The following PTGES3L variants were observed in gnomAD, a reference collection of about 807,000 sequenced individuals.
PTGES3L encodes prostaglandin E synthase 3 like.
PTGES3L carries 17 observed loss-of-function variants against 25.0 expected under a neutral mutation model. The ratio of observed to expected loss-of-function variants is 0.68; its 90% confidence interval spans 0.47 to 1.02. The LOEUF is 1.02. PTGES3L is among the 50% of genes least tolerant of loss of function. PTGES3L has a pLI of 0.00. For synonymous variants in PTGES3L, 59 were observed against 65.7 expected, an observed-to-expected ratio of 0.90 and a Z score of 0.50; for missense variants, 202 against 197.5, an observed-to-expected ratio of 1.02 and a Z score of -0.14.
rs56818030 is a variant in PTGES3L at position 42,971,284 on chromosome 17, C to CCACACACA, written c.378+315_378+322dup. On this transcript the variant is annotated intron_variant, in intron 5 of 6. Coordinates refer to ENST00000591916, the MANE Select transcript of PTGES3L (RefSeq NM_001261430.2). ...GCACTCCAGCCTAGGCGACAGAAAA[C>CCACACACA]CACACACACACACACACACACAGAA... 8.4e-3 allele frequency among the ~76,000 whole-genome samples: 1,253 copies of CCACACACA among 149,594 alleles called. 15 individuals are homozygous for CCACACACA. The highest frequency in any genetic ancestry group is 0.024 in the African/African-American group (961 of 40,690).
rs1490786473 is a variant in PTGES3L at position 42,970,676 on chromosome 17, G to GCGCACA, written c.379-335_379-334insTGTGCG. Reference sequence around the variant, plus strand: ...CATGAAGTTGTCTGGCTTAACACGCGCACACACACACACACACACACACAC... The same window carrying GCGCACA: ...CATGAAGTTGTCTGGCTTAACACGCGCGCACACACACACACACACACACACACACAC... On this transcript the variant is annotated intron_variant, in intron 5 of 6. Transcript: ENST00000591916. 3.0e-3 allele frequency among the ~76,000 whole-genome samples: 434 copies of GCGCACA among 144,160 alleles called. 2 individuals carry two copies. The highest frequency in any genetic ancestry group is 7.0e-3 in the Middle Eastern group (2 of 286). 94.6% of individuals were successfully genotyped at this position (144,160 alleles called of 152,430 possible). A position where few individuals can be genotyped will look rare whatever the true frequency, so the allele number is the denominator to read the frequency against.
In PTGES3L at chr17:42,968,175, C is replaced by A. The variant is rs2049767545; in HGVS notation, c.*973G>T. The A allele has an allele frequency of 6.6e-6, 1 of 152,036 alleles. No individual in the cohort carries two copies. Among genetic ancestry groups the A allele is most frequent in the South Asian group, 2.1e-4 (1 of 4,828 alleles). 9.4% of individuals were successfully genotyped at this position (152,036 alleles called of 1,614,324 possible). ...TTAGGCACTCAAAAAAGTTTATGGA[C>A]AAATAGAATAGCTGTTGGACAAATA... is the stretch of plus-strand genomic sequence containing the variant. On this transcript the variant is annotated 3_prime_UTR_variant, in exon 7 of 7. Coordinates refer to ENST00000591916, the MANE Select transcript of PTGES3L (RefSeq NM_001261430.2).
intron 4 of PTGES3L, among the ~76,000 whole-genome samples, chr17:42,975,135 CAAAAAA>C (rs11398866): frequency 1.5e-4 from 15 of 97,050 alleles, no homozygotes; most frequent in African/African-American, 5.4e-4. Context: ...CATCCTGTCT[CAAAAAA>C]AAAAAAAAAA....
intron 5 of PTGES3L, among the ~76,000 whole-genome samples, chr17:42,970,944 T>C (rs2049825743): frequency 1.3e-5 from 2 of 151,054 alleles, no homozygotes; most frequent in African/African-American, 2.4e-5. Context: ...GAAGTGGAGG[T>C]TGCAGGGAGC....
chr17:42,975,866 G>A (rs1197567989), intron 4 of PTGES3L, among the ~76,000 whole-genome samples: 11 of 151,730 alleles, frequency 7.2e-5, no homozygotes, highest in Non-Finnish European at 1.3e-4. Context: ...TAGTAGAGAC[G>A]GGGTTTCACC....
At chr17:42,972,612 G>A (rs1453921934) in intron 4 of PTGES3L, among the ~76,000 whole-genome samples, 4 of 152,048 alleles carry the variant, frequency 2.6e-5, no homozygotes, top group African/African-American at 7.2e-5. Flanking sequence ...ACGGAGTCTC[G>A]TTCACTCAGT....
intron 4 of PTGES3L, among the ~76,000 whole-genome samples, chr17:42,973,935 T>C (rs979998170): frequency 7.2e-6 from 1 of 138,990 alleles, no homozygotes; most frequent in African/African-American, 2.7e-5. Flanking sequence ...CCCTCCACTA[T>C]TGTCCCATGA....
intron 4 of PTGES3L, 153 bp from the exon 5 acceptor site, chr17:42,971,849 C>A: frequency 1.7e-6 from 1 of 603,806 alleles, no homozygotes; most frequent in Non-Finnish European, 2.9e-6. Flanking sequence ...AGGAACCTGC[C>A]AATCTACACA....
chr17:42,971,284 CCACACACACACACACA>C (rs56818030), intron 5 of PTGES3L, among the ~76,000 whole-genome samples: 1 of 149,504 alleles, frequency 6.7e-6, no homozygotes, highest in Non-Finnish European at 1.5e-5. Context: ...CGACAGAAAA[CCACACACACACACACA>C]CACACAGAAA....
intron 4 of PTGES3L, among the ~76,000 whole-genome samples, chr17:42,972,468 G>C (rs866144744): frequency 2.6e-5 from 4 of 151,874 alleles, no homozygotes; most frequent in African/African-American, 7.2e-5. Context: ...GAGTGCCTGC[G>C]ATTGCAGGCA....
intron 5 of PTGES3L, among the ~76,000 whole-genome samples, chr17:42,970,959 G>T (rs1207646087): frequency 1.3e-5 from 2 of 151,964 alleles, no homozygotes; most frequent in Non-Finnish European, 2.9e-5. Context: ...GGGAGCTACT[G>T]CACTCCAGCC....
rs1427081208 is a variant in PTGES3L at position 42,972,891 on chromosome 17, G to A, written c.289-1195C>T. 2.8e-5 allele frequency among the ~76,000 whole-genome samples: 4 copies of A among 144,818 alleles called. No individual in the cohort carries two copies. The East Asian group carries it at 8.3e-4, about 30-fold the overall frequency. On this transcript the variant is annotated intron_variant, in intron 4 of 6. Transcript: ENST00000591916. ...TAGGAAGTGAGGAGCGCCTCTTCCC[G>A]GCCGCCATCACATCTAGGAAGTGAT... is the stretch of plus-strand genomic sequence containing the variant.
At chr17:42,970,672 ACGCG>A (rs768089035) in intron 5 of PTGES3L, among the ~76,000 whole-genome samples, 2 of 115,398 alleles carry the variant, frequency 1.7e-5, no homozygotes, top group African/African-American at 6.4e-5. Context: ...CTGGCTTAAC[ACGCG>A]CACACACACA....
At chr17:42,971,498 G>C in intron 5 of PTGES3L, 109 bp downstream of exon 5, 1 of 1,185,914 alleles carries the variant, frequency 8.4e-7, no homozygotes, top group Non-Finnish European at 1.2e-6. Context: ...CCTGCCTAGA[G>C]AGCTTGCATA....
At chr17:42,976,637 C>A (rs1204374644) in intron 4 of PTGES3L, among the ~76,000 whole-genome samples, 2 of 152,140 alleles carry the variant, frequency 1.3e-5, no homozygotes, top group Non-Finnish European at 2.9e-5. Context: ...GCCTCGGCCT[C>A]CTACAGTGCT....
At chr17:42,979,328 C>T (rs774304607) in intron 3 of PTGES3L, 50 bp downstream of exon 3, 1 of 1,614,028 alleles carries the variant, frequency 6.2e-7, no homozygotes, top group Non-Finnish European at 8.5e-7. Context: ...TCCAGTTTCC[C>T]TGGGCAGCCC....
chr17:42,979,875 A>G, intron 1 of PTGES3L, 171 bp downstream of exon 1: 1 of 1,443,762 alleles, frequency 6.9e-7, no homozygotes, highest in South Asian at 1.5e-5. Context: ...CTAGGAAACT[A>G]GGAGGTCAGG....
chr17:42,969,401 C>CT (rs67136149), intron 6 of PTGES3L, among the ~76,000 whole-genome samples: 61 of 72,996 alleles, frequency 8.4e-4, no homozygotes, highest in African/African-American at 2.8e-3. Flanking sequence ...AGTTTCAGGA[C>CT]TTTTTTTTTT....
rs1042646501 is a variant in PTGES3L at position 42,971,687 on chromosome 17, G to C, written c.298C>G (p.Leu100Val). The change falls in exon 5 of 7, where the codon CTG becomes GTG. Residue 100 changes from leucine (L) to valine (V), a missense_variant. Coordinates refer to ENST00000591916, the MANE Select transcript of PTGES3L (RefSeq NM_001261430.2). ...LTKEDIKPVW[L>V]SVDFDNWRDW... is the part of the protein sequence containing the mutation. Reference sequence around the variant, plus strand: ...CTCCAGTTATCAAAGTCCACAGACAGCCACACTGGCTGCAAGAAGAGGCAC... The same window carrying C: ...CTCCAGTTATCAAAGTCCACAGACACCCACACTGGCTGCAAGAAGAGGCAC... 1 of 1,614,034 alleles carries C rather than the reference G, an allele frequency of 6.2e-7. No individual in the cohort carries two copies. Among genetic ancestry groups the C allele is most frequent in the Admixed American group, 1.7e-5 (1 of 60,014 alleles).
Sources: allele counts gnomAD v4.1 joint callset (sites outside exome capture counted in the v4.1 genomes callset), GRCh38; gene constraint gnomAD v4.1.1; transcripts MANE v1.5; gene names NCBI Gene and HGNC (gene_info 2026-07-23, HGNC 2026-07-21).